NEK2: variants seen among roughly 807,000 people sequenced by gnomAD.
NEK2 encodes serine/threonine-protein kinase Nek2.
NEK2 carries 28 observed loss-of-function variants against 54.1 expected under a neutral mutation model. The observed-to-expected ratio is 0.52, with a 90% confidence interval of 0.38 to 0.71. The LOEUF (loss-of-function observed/expected upper bound fraction) is 0.71. NEK2 is among the 30% of genes least tolerant of loss of function. The pLI is 0.00. For missense variants in NEK2, 407 were observed against 531.5 expected, an observed-to-expected ratio of 0.77 and a Z score of 2.30; for synonymous variants, 176 against 193.1, an observed-to-expected ratio of 0.91 and a Z score of 0.73.
Position 211,663,265 on chromosome 1 carries a change from A to T in NEK2, c.*161T>A. On this transcript the variant is annotated 3_prime_UTR_variant, in exon 8 of 8. Coordinates refer to ENST00000366999, the MANE Select transcript of NEK2 (RefSeq NM_002497.4). ...ATTAAATGTGAACATTTTGTACAAT[A>T]GTTGCTGAAGAACAGTAAAACCAAT... The T allele has an allele frequency of 7.1e-7, 1 of 1,403,226 alleles. No individual in the cohort carries two copies. Among genetic ancestry groups the T allele is most frequent in the South Asian group, 1.8e-5 (1 of 54,336 alleles). The allele number at this position is 1,403,226 out of a possible 1,614,324, so 86.9% of individuals were successfully genotyped here. A position where few individuals can be genotyped will look rare whatever the true frequency, so the allele number is the denominator to read the frequency against.
chr1:211,665,967 T>A (rs959484214), intron 7 of NEK2, among the ~76,000 whole-genome samples: 1 of 152,240 alleles, frequency 6.6e-6, no homozygotes, highest in Admixed American at 6.5e-5. Flanking sequence ...TTATAAAAAC[T>A]CTAAATTTTA....
chr1:211,666,998 T>C, intron 7 of NEK2, 108 bp downstream of exon 7: 1 of 1,537,344 alleles, frequency 6.5e-7, no homozygotes, highest in Non-Finnish European at 8.7e-7. Context: ...ATCTTAAAAT[T>C]TGAGATTTGT....
At chr1:211,661,660 T>C (rs748610847), downstream of NEK2, among the ~76,000 whole-genome samples, 1 of 152,256 alleles carries the variant, frequency 6.6e-6, no homozygotes, top group African/African-American at 2.4e-5. Flanking sequence ...CGATAGTTTT[T>C]CTGTTAGATT....
chr1:211,669,305 T>C lies in NEK2; in HGVS notation c.793A>G (p.Ile265Val). The change falls in exon 6 of 8, where the codon ATT becomes GTT. Residue 265 changes from isoleucine to valine, a missense_variant. Coordinates refer to ENST00000366999, the MANE Select transcript of NEK2 (RefSeq NM_002497.4). ...KDYHRPSVEE[I>V]LENPLIADLV... Reference sequence around the variant, plus strand: ...TCTGCTATTAAAGGGTTCTCAAGAATTTCTTCAACAGAAGGTCGATGGTAA... The same window carrying C: ...TCTGCTATTAAAGGGTTCTCAAGAACTTCTTCAACAGAAGGTCGATGGTAA... The C allele has an allele frequency of 6.2e-7, 1 of 1,614,146 alleles. No individual in the cohort carries two copies. The highest frequency in any genetic ancestry group is 8.5e-7 in the Non-Finnish European group (1 of 1,179,988).
At chr1:211,659,553 C>A (rs1571635730), downstream of NEK2, among the ~76,000 whole-genome samples, 1 of 152,164 alleles carries the variant, frequency 6.6e-6, no homozygotes, top group Non-Finnish European at 1.5e-5. Flanking sequence ...ATCTGTTCTG[C>A]ATGCACTCAT....
chr1:211,671,234 C>T lies in NEK2; in HGVS notation c.606G>A (p.Leu202=). ...CACATAACTCATACAGCAAGCAGCCCAATGACCAGATATCTGATTTCTCAT... is the reference window on the plus strand; with the variant it reads ...CACATAACTCATACAGCAAGCAGCCTAATGACCAGATATCTGATTTCTCAT... ...SYNEKSDIWS[L]GCLLYELCAL... is the part of the protein sequence containing the mutation. Residue 202 remains leucine, a synonymous_variant, in exon 4 of 8, where the codon TTG becomes TTA. Coordinates refer to ENST00000366999, the MANE Select transcript of NEK2 (RefSeq NM_002497.4). 3 of 1,613,538 alleles carry T rather than the reference C, an allele frequency of 1.9e-6. No individual in the cohort carries two copies. Among genetic ancestry groups the T allele is most frequent in the Admixed American group, 1.7e-5 (1 of 60,030 alleles).
downstream of NEK2, among the ~76,000 whole-genome samples, chr1:211,661,915 G>A (rs192731576): frequency 6.2e-4 from 95 of 152,216 alleles, no homozygotes; most frequent in Non-Finnish European, 8.8e-4. Context: ...GAGATTTCTT[G>A]TACTTTTCAC....
rs1655278535 is a variant in NEK2 at position 211,669,166 on chromosome 1, A to T, written c.932T>A (p.Ile311Asn). 1 of 1,613,856 alleles carries T rather than the reference A, an allele frequency of 6.2e-7. No individual in the cohort carries two copies. The highest frequency in any genetic ancestry group is 1.3e-5 in the African/African-American group (1 of 74,994). ...AGCTCGCTCTCGCTCCTGTAACTGA[A>T]TTTCCTTCAGTTTCAGCTCACTCAA... ...PVLSELKLKE[I>N]QLQERERALK... Residue 311 changes from isoleucine (I) to asparagine (N), a missense_variant, in exon 6 of 8, where the codon ATT (isoleucine) becomes AAT (asparagine). Coordinates refer to ENST00000366999, the MANE Select transcript of NEK2 (RefSeq NM_002497.4).
downstream of NEK2, chr1:211,660,964 G>A (rs764379467): frequency 1.6e-5 from 12 of 745,498 alleles, no homozygotes; most frequent in Non-Finnish European, 3.0e-5. Context: ...GAGGAAGAAA[G>A]CTTGCAGCAG....
At chr1:211,658,530 C>A, downstream of NEK2, 1 of 367,520 alleles carries the variant, frequency 2.7e-6, no homozygotes, top group Non-Finnish European at 5.4e-6. Flanking sequence ...ATGGCTCATA[C>A]CTGTAATCCC....
At chr1:211,665,515 T>G (rs1241921674) in intron 7 of NEK2, among the ~76,000 whole-genome samples, 1 of 152,216 alleles carries the variant, frequency 6.6e-6, no homozygotes, top group Non-Finnish European at 1.5e-5. Context: ...AACAGGGTCT[T>G]AAGTAATTCT....
chr1:211,672,517 A>G (rs11119790), intron 3 of NEK2, among the ~76,000 whole-genome samples: 5,799 of 152,224 alleles, frequency 0.038, 226 homozygotes, highest in East Asian at 0.23. Flanking sequence ...AAAACATGCT[A>G]TCTGAAGTGA....
chr1:211,669,507 G>A, intron 5 of NEK2, 175 bp from the exon 6 acceptor site: 2 of 614,112 alleles, frequency 3.3e-6, no homozygotes, highest in Non-Finnish European at 5.7e-6. Flanking sequence ...AACTCATGAG[G>A]TTCTGGGTCC....
intron 7 of NEK2, chr1:211,666,369 G>T: frequency 3.1e-6 from 1 of 321,296 alleles, no homozygotes; most frequent in Non-Finnish European, 4.5e-6. Context: ...TCTGCAGGTG[G>T]CTTATCATGC....
Position 211,675,575 on chromosome 1 carries a change from A to G in NEK2, c.-96T>C. The G allele has an allele frequency of 9.9e-7, 1 of 1,010,152 alleles. No homozygotes were observed. Among genetic ancestry groups the G allele is most frequent in the Non-Finnish European group, 1.5e-6 (1 of 652,912 alleles). 62.6% of individuals were successfully genotyped at this position (1,010,152 alleles called of 1,614,324 possible). ...GGAACTCCAGGGACCTGGATGGAGA[A>G]GCCCCCGAGCAGCACTGACCCGCCA... On this transcript the variant is annotated 5_prime_UTR_variant, in exon 1 of 8. Transcript: ENST00000366999.
intron 7 of NEK2, chr1:211,666,377 T>C: frequency 2.3e-6 from 1 of 431,360 alleles, no homozygotes; most frequent in Non-Finnish European, 3.1e-6. Context: ...TGGCTTATCA[T>C]GCCTTTTAAG....
At chr1:211,658,942 T>C (rs1654950873), downstream of NEK2, among the ~76,000 whole-genome samples, 1 of 152,040 alleles carries the variant, frequency 6.6e-6, no homozygotes, top group Non-Finnish European at 1.5e-5. Context: ...GCCAAGATGT[T>C]CAAACATTTT....
rs1655556963 is a variant in NEK2 at position 211,675,530 on chromosome 1, G to C, written c.-51C>G. 2 of 1,510,144 alleles carry C rather than the reference G, an allele frequency of 1.3e-6. No homozygotes were observed. The highest frequency in any genetic ancestry group is 1.7e-5 in the Admixed American group (1 of 59,528). 93.5% of individuals were successfully genotyped at this position (1,510,144 alleles called of 1,614,324 possible). On this transcript the variant is annotated 5_prime_UTR_variant, in exon 1 of 8. Transcript: ENST00000366999. Reference sequence around the variant, plus strand: ...TGCCTCACGCAGGTTGCGCCGCCAAGTGCGGAGCTCCAGGGACCAGGAACT... The same window carrying C: ...TGCCTCACGCAGGTTGCGCCGCCAACTGCGGAGCTCCAGGGACCAGGAACT...
intron 3 of NEK2, among the ~76,000 whole-genome samples, chr1:211,672,533 C>A (rs894089120): frequency 6.6e-6 from 1 of 151,830 alleles, no homozygotes; most frequent in Non-Finnish European, 1.5e-5. Context: ...AGTGAGCAAA[C>A]TTCCTGAGCT....
Sources: allele counts gnomAD v4.1 joint callset (sites outside exome capture counted in the v4.1 genomes callset), GRCh38; gene constraint gnomAD v4.1.1; transcripts MANE v1.5; gene names NCBI Gene and HGNC (gene_info 2026-07-23, HGNC 2026-07-21).